FNIP1: variants seen among roughly 807,000 people sequenced by gnomAD.
FNIP1 encodes folliculin interacting protein 1.
In FNIP1, 40 loss-of-function variants were observed where a neutral mutation model predicts 124.5. That is an observed-to-expected ratio of 0.32 (90% CI 0.25 to 0.42). The LOEUF is 0.42. FNIP1 is among the 10% of genes least tolerant of loss of function. The probability of loss-of-function intolerance (pLI) is 1.00; values close to 1 mark genes in which losing one functional copy is unlikely to be tolerated. For synonymous variants in FNIP1, 472 were observed against 470.6 expected, an observed-to-expected ratio of 1.00 and a Z score of -0.04; for missense variants, 1,176 against 1,403.7, an observed-to-expected ratio of 0.84 and a Z score of 2.59.
At chr5:131,654,966 G>C (rs1278897830) in intron 15 of FNIP1, among the ~76,000 whole-genome samples, 1 of 152,064 alleles carries the variant, frequency 6.6e-6, no homozygotes, top group Non-Finnish European at 1.5e-5. Context: ...AAATCACTTT[G>C]TTATTCATCA....
At chr5:131,793,162 G>C (rs1350764085) in intron 1 of FNIP1, among the ~76,000 whole-genome samples, 1 of 152,092 alleles carries the variant, frequency 6.6e-6, no homozygotes, top group African/African-American at 2.4e-5. Context: ...ATCCTGAGTA[G>C]CTAGGACTAC....
intron 1 of FNIP1, chr5:131,795,836 GT>G (rs1772569634): frequency 6.6e-6 from 1 of 151,796 alleles, no homozygotes; most frequent in South Asian, 2.1e-4. Context: ...TTCTACTATT[GT>G]TGTACAACTG....
chr5:131,742,261 C>T (rs994967794), intron 2 of FNIP1, among the ~76,000 whole-genome samples: 1 of 152,118 alleles, frequency 6.6e-6, no homozygotes, highest in Non-Finnish European at 1.5e-5. Context: ...CCCAGAAGTT[C>T]GAGACCAGTC....
intron 13 of FNIP1, among the ~76,000 whole-genome samples, chr5:131,675,733 G>A (rs565123924): frequency 6.6e-6 from 1 of 152,296 alleles, no homozygotes; most frequent in East Asian, 1.9e-4. Flanking sequence ...TTGGGGAGAA[G>A]GAGATGGGGA....
intron 1 of FNIP1, among the ~76,000 whole-genome samples, chr5:131,778,731 G>C (rs1771895762): frequency 9.6e-6 from 1 of 104,448 alleles, no homozygotes; most frequent in Admixed American, 1.1e-4. Context: ...CAATAGCAAA[G>C]ACTTGGAACC....
intron 15 of FNIP1, among the ~76,000 whole-genome samples, chr5:131,660,901 G>T (rs1166416059): frequency 6.6e-6 from 1 of 152,194 alleles, no homozygotes; most frequent in Non-Finnish European, 1.5e-5. Flanking sequence ...ACACACTGCT[G>T]ACCCATGGTG....
At chr5:131,657,758 A>AAAAAC (rs1767248419) in intron 15 of FNIP1, among the ~76,000 whole-genome samples, 1 of 148,418 alleles carries the variant, frequency 6.7e-6, no homozygotes, top group African/African-American at 2.5e-5. Flanking sequence ...AAAAAAAAAA[A>AAAAAC]CGGTGGGTGA....
At chr5:131,671,416 T>C (rs1352467774) in intron 14 of FNIP1, 89 bp downstream of exon 14, 1 of 1,060,586 alleles carries the variant, frequency 9.4e-7, no homozygotes, top group African/African-American at 1.6e-5. Flanking sequence ...AACAATGATC[T>C]CTTTTATACT....
At chr5:131,755,807 G>A (rs921952696) in intron 1 of FNIP1, among the ~76,000 whole-genome samples, 1 of 151,958 alleles carries the variant, frequency 6.6e-6, no homozygotes, top group African/African-American at 2.4e-5. Context: ...TCAGGAGTTC[G>A]AGACCACCCT....
chr5:131,722,566 C>G (rs1769703341), intron 3 of FNIP1, among the ~76,000 whole-genome samples: 1 of 152,200 alleles, frequency 6.6e-6, no homozygotes, highest in African/African-American at 2.4e-5. Flanking sequence ...CTCTTTACTA[C>G]CTATCTTAAA....
chr5:131,775,848 T>C (rs1361115079), intron 1 of FNIP1, among the ~76,000 whole-genome samples: 1 of 152,126 alleles, frequency 6.6e-6, no homozygotes, highest in Non-Finnish European at 1.5e-5. Flanking sequence ...GTTTTGAGGA[T>C]TAAATGAATT....
At chr5:131,665,906 T>C (rs1197059015) in intron 15 of FNIP1, among the ~76,000 whole-genome samples, 3 of 147,250 alleles carry the variant, frequency 2.0e-5, no homozygotes, top group African/African-American at 5.0e-5. Flanking sequence ...ATACTTTTTT[T>C]TTTTTTTTTT....
At chr5:131,736,717 C>T (rs10051003) in intron 2 of FNIP1, among the ~76,000 whole-genome samples, 96,711 of 152,074 alleles carry the variant, frequency 0.64, 32,816 homozygotes, top group Non-Finnish European at 0.77. Flanking sequence ...TCAACTGGAT[C>T]CTTTTGTTCT....
chr5:131,722,676 A>C (rs1769707989), intron 3 of FNIP1, among the ~76,000 whole-genome samples: 1 of 152,034 alleles, frequency 6.6e-6, no homozygotes, highest in South Asian at 2.1e-4. Context: ...ATACATGGCT[A>C]TTTTTATATC....
chr5:131,719,224 T>C, intron 4 of FNIP1, 93 bp downstream of exon 4: 4 of 1,228,258 alleles, frequency 3.3e-6, no homozygotes, highest in Non-Finnish European at 4.6e-6. Flanking sequence ...TATGACAAGC[T>C]CAATCTGAGT....
chr5:131,770,938 TC>T (rs1317378120), intron 1 of FNIP1, among the ~76,000 whole-genome samples: 1 of 152,164 alleles, frequency 6.6e-6, no homozygotes, highest in African/African-American at 2.4e-5. Flanking sequence ...AGATATAAAT[TC>T]TTTTTTTTAT....
chr5:131,678,483 C>T (rs1192947962), intron 12 of FNIP1, among the ~76,000 whole-genome samples: 1 of 152,204 alleles, frequency 6.6e-6, no homozygotes, highest in Non-Finnish European at 1.5e-5. Context: ...TCTCCACTTA[C>T]TGCAAGCTGT....
intron 14 of FNIP1, 70 bp downstream of exon 14, chr5:131,671,435 G>C: frequency 8.0e-7 from 1 of 1,245,986 alleles, no homozygotes; most frequent in Non-Finnish European, 1.1e-6. Context: ...CTAACCTTCA[G>C]AGAACAGCTA....
chr5:131,671,850 C>T lies in FNIP1; in HGVS notation c.2594G>A (p.Cys865Tyr), dbSNP rs1483320746. 5 of 1,614,034 alleles carry T rather than the reference C, an allele frequency of 3.1e-6. No homozygotes were observed. The South Asian group carries it at 5.5e-5, about 18-fold the overall frequency. Residue 865 changes from cysteine (C) to tyrosine (Y), a missense_variant, in exon 14 of 18, where the codon TGT becomes TAT. Cys to Tyr is a radical substitution (Grantham distance 194). Coordinates refer to ENST00000510461, the MANE Select transcript of FNIP1 (RefSeq NM_133372.3). ...KTSTDSKDHC[C>Y]MLEFSKILCT... ...CAATATTTTTGAAAACTCTAACATA[C>T]AGCAATGGTCTTTACTATCTGTACT... is the stretch of plus-strand genomic sequence containing the variant.
Sources: gnomAD v4.1 joint callset for allele counts (sites outside exome capture counted in the v4.1 genomes callset) on GRCh38, gnomAD v4.1.1 for gene constraint, MANE v1.5 for transcripts, NCBI Gene and HGNC (gene_info 2026-07-23, HGNC 2026-07-21) for gene names.